The following CCDC6 variants were observed in gnomAD, a reference collection of about 807,000 sequenced individuals.
CCDC6 encodes the protein coiled-coil domain-containing protein 6.
CCDC6 carries 20 observed loss-of-function variants against 56.6 expected under a neutral mutation model. That is an observed-to-expected ratio of 0.35 (90% CI 0.25 to 0.51). CCDC6 has a LOEUF of 0.51. Among genes scored for constraint, CCDC6 ranks in the 20% least tolerant of loss-of-function variants. The pLI is 0.95. For synonymous variants in CCDC6, 241 were observed against 234.4 expected, an observed-to-expected ratio of 1.03 and a Z score of -0.26; for missense variants, 367 against 601.1, an observed-to-expected ratio of 0.61 and a Z score of 4.07.
At chr10:59,816,722 C>T (rs1322207890) in intron 3 of CCDC6, among the ~76,000 whole-genome samples, 1 of 152,120 alleles carries the variant, frequency 6.6e-6, no homozygotes, top group African/African-American at 2.4e-5. Context: ...TCTGGATATC[C>T]GTTCTATTTC....
In CCDC6 at chr10:59,789,574, T is replaced by C; in HGVS notation, c.*3343A>G. On this transcript the variant is annotated 3_prime_UTR_variant, in exon 9 of 9. Transcript: ENST00000263102. ...GTAGCAGCATCAATGGCTGGCTCTT[T>C]AACAATTTGGAAATAAAAGGTTGTT... is the stretch of plus-strand genomic sequence containing the variant. The C allele has an allele frequency of 4.3e-6, 1 of 232,588 alleles. No individual in the cohort carries two copies. The highest frequency in any genetic ancestry group is 8.5e-6 in the Non-Finnish European group (1 of 117,370). 14.4% of individuals were successfully genotyped at this position (232,588 alleles called of 1,614,324 possible). A position where few individuals can be genotyped will look rare whatever the true frequency, so the allele number is the denominator to read the frequency against.
At chr10:59,894,164 T>A (rs78506107) in intron 1 of CCDC6, among the ~76,000 whole-genome samples, 8,146 of 152,282 alleles carry the variant, frequency 0.053, 361 homozygotes, top group African/African-American at 0.12. Context: ...CACAAATAAA[T>A]GTCTGCACTG....
intron 2 of CCDC6, among the ~76,000 whole-genome samples, chr10:59,845,163 G>C (rs982054747): frequency 2.0e-5 from 3 of 152,096 alleles, no homozygotes; most frequent in African/African-American, 7.2e-5. Flanking sequence ...TTTCCAACTA[G>C]AAATAACAAT....
Position 59,906,458 on chromosome 10 carries a change from G to A in CCDC6, c.-34C>T, listed in dbSNP as rs1476861589. 3 of 1,454,666 alleles carry A rather than the reference G, an allele frequency of 2.1e-6. No individual in the cohort carries two copies. Among genetic ancestry groups the A allele is most frequent in the Admixed American group, 2.7e-5 (1 of 36,424 alleles). The allele number at this position is 1,454,666 out of a possible 1,614,324, so 90.1% of individuals were successfully genotyped here. On this transcript the variant is annotated 5_prime_UTR_variant, in exon 1 of 9. Coordinates refer to ENST00000263102, the MANE Select transcript of CCDC6 (RefSeq NM_005436.5). ...CGGGCTGGGGAAAGGAGGAGGAGCA[G>A]CAGGGAGGCGGCGGCGACGAAGGCC...
At chr10:59,815,065 T>C (rs1352661684) in intron 3 of CCDC6, among the ~76,000 whole-genome samples, 4 of 152,194 alleles carry the variant, frequency 2.6e-5, no homozygotes, top group African/African-American at 9.6e-5. Context: ...ACTAGTCATA[T>C]CAGGACTTTT....
chr10:59,878,922 T>G (rs2071308071), intron 1 of CCDC6, among the ~76,000 whole-genome samples: 2 of 152,212 alleles, frequency 1.3e-5, no homozygotes, highest in Non-Finnish European at 2.9e-5. Context: ...AAGGAAAAGA[T>G]GCAGTTTGTG....
At chr10:59,826,389 T>C (rs1020809526) in intron 3 of CCDC6, among the ~76,000 whole-genome samples, 11 of 152,344 alleles carry the variant, frequency 7.2e-5, no homozygotes, top group Admixed American at 2.0e-4. Flanking sequence ...TGGCTGAACA[T>C]AGACCCACTT....
intron 1 of CCDC6, among the ~76,000 whole-genome samples, chr10:59,882,025 G>GGGGGAGAAGGAAAGGAAAGC (rs1564755784): frequency 2.0e-5 from 1 of 48,930 alleles, no homozygotes; most frequent in Non-Finnish European, 4.3e-5. Flanking sequence ...AAGGAAAGCC[G>GGGGGAGAAGGAAAGGAAAGC]CGGGGAGAAG....
intron 1 of CCDC6, among the ~76,000 whole-genome samples, chr10:59,899,428 T>C (rs908668417): frequency 2.2e-4 from 34 of 152,222 alleles, no homozygotes; most frequent in African/African-American, 8.2e-4. Context: ...GTAAACACAA[T>C]TATTTCGGCA....
intron 1 of CCDC6, among the ~76,000 whole-genome samples, chr10:59,874,359 A>T (rs937388724): frequency 6.6e-6 from 1 of 152,170 alleles, no homozygotes; most frequent in Admixed American, 6.5e-5. Flanking sequence ...TTTATCAAAC[A>T]TATTAAAATT....
intron 3 of CCDC6, among the ~76,000 whole-genome samples, chr10:59,818,502 G>C (rs921459688): frequency 3.6e-5 from 5 of 140,552 alleles, no homozygotes; most frequent in East Asian, 2.5e-4. Flanking sequence ...TGACGGGGGG[G>C]GGGGAAGCAG....
chr10:59,862,559 AT>A (rs2132662884), intron 1 of CCDC6, among the ~76,000 whole-genome samples: 1 of 77,716 alleles, frequency 1.3e-5, no homozygotes, highest in Non-Finnish European at 2.7e-5. Flanking sequence ...ACACACACAT[AT>A]ATATACACAT....
chr10:59,875,019 T>C (rs1296897750), intron 1 of CCDC6, among the ~76,000 whole-genome samples: 2 of 152,222 alleles, frequency 1.3e-5, no homozygotes, highest in African/African-American at 2.4e-5. Context: ...GAAACCAATA[T>C]AGGCACTAAT....
chr10:59,828,165 A>G (rs1805836473), intron 3 of CCDC6, among the ~76,000 whole-genome samples: 1 of 152,214 alleles, frequency 6.6e-6, no homozygotes. Context: ...TGTTCTTACC[A>G]TTACCTAAGA....
chr10:59,839,187 C>T (rs545791334), intron 2 of CCDC6, among the ~76,000 whole-genome samples: 55 of 152,300 alleles, frequency 3.6e-4, no homozygotes, highest in African/African-American at 1.2e-3. Flanking sequence ...AAATTTCACA[C>T]GTAAAGGGTA....
rs2070452805 is a variant in CCDC6, at chr10:59,789,850, A to G, written c.*3067T>C. 1 of 217,670 alleles carries G rather than the reference A, an allele frequency of 4.6e-6. No homozygotes were observed. The highest frequency in any genetic ancestry group is 6.9e-5 in the East Asian group (1 of 14,596). The allele number at this position is 217,670 out of a possible 1,614,324, so 13.5% of individuals were successfully genotyped here. On this transcript the variant is annotated 3_prime_UTR_variant, in exon 9 of 9. Coordinates refer to ENST00000263102, the MANE Select transcript of CCDC6 (RefSeq NM_005436.5). ...AGGGTGATACATGTTCTATTTTCCT[A>G]CAAGTGAACAATTAACAAAAATTCA...
intron 1 of CCDC6, among the ~76,000 whole-genome samples, chr10:59,881,070 G>A (rs991632273): frequency 5.9e-5 from 9 of 152,102 alleles, no homozygotes; most frequent in Non-Finnish European, 8.8e-5. Context: ...CTTCAGCCCC[G>A]CCCAGCAGGT....
At chr10:59,846,764 G>T (rs1413235027) in intron 2 of CCDC6, among the ~76,000 whole-genome samples, 1 of 152,120 alleles carries the variant, frequency 6.6e-6, no homozygotes, top group Non-Finnish European at 1.5e-5. Context: ...AAAAGATTAA[G>T]ATATATGTAA....
intron 3 of CCDC6, among the ~76,000 whole-genome samples, chr10:59,826,106 G>A (rs2070785996): frequency 6.6e-6 from 1 of 152,068 alleles, no homozygotes; most frequent in South Asian, 2.1e-4. Context: ...ACTGAGGCTT[G>A]CACAAGCCCT....
Sources: gnomAD v4.1 joint callset for allele counts (sites outside exome capture counted in the v4.1 genomes callset) on GRCh38, gnomAD v4.1.1 for gene constraint, MANE v1.5 for transcripts, NCBI Gene and HGNC (gene_info 2026-07-23, HGNC 2026-07-21) for gene names.